FTSJ3: variants seen among roughly 807,000 people sequenced by gnomAD.
FTSJ3 encodes pre-rRNA 2'-O-ribose RNA methyltransferase FTSJ3.
FTSJ3 carries 46 observed loss-of-function variants against 111.5 expected under a neutral mutation model. The observed-to-expected ratio is 0.41, with a 90% CI of 0.33 to 0.53. The LOEUF (loss-of-function observed/expected upper bound fraction) is 0.53. FTSJ3 is among the 20% of genes least tolerant of loss of function. The pLI is 0.19. For missense variants in FTSJ3, 1,075 were observed against 1,063.8 expected, an observed-to-expected ratio of 1.01 and a Z score of -0.15; for synonymous variants, 408 against 383.0, an observed-to-expected ratio of 1.07 and a Z score of -0.76.
chr17:63,821,397 T>TGC lies in FTSJ3; in HGVS notation c.1841_1842dup (p.Ile615AlafsTer38), dbSNP rs1379363030. 6 of 1,613,806 alleles carry TGC rather than the reference T, an allele frequency of 3.7e-6. No homozygotes were observed. The South Asian group carries it at 6.6e-5, about 18-fold the overall frequency. ...CTAGTACTGCTATCACTGTCTGAGA[T>TGC]GCCATCCTTTTCTTCCCCTTCAAGG... On this transcript the variant is annotated frameshift_variant, in exon 16 of 21. Transcript: ENST00000427159. LOFTEE classifies it high-confidence loss of function.
At position 63,826,855 on chromosome 17, in the gene FTSJ3, A is replaced by G. The variant is rs758391164; in HGVS notation, c.48T>C (p.Tyr16=). 3.7e-6 allele frequency: 6 copies of G among 1,614,022 alleles called. No homozygotes were observed. Among genetic ancestry groups the G allele is most frequent in the Non-Finnish European group, 5.1e-6 (6 of 1,180,034 alleles). The change falls in exon 2 of 21, where the codon TAT becomes TAC. Residue 16 remains tyrosine (Y), a synonymous_variant. Transcript: ENST00000427159. The stretch of plus-strand genomic sequence containing the variant: ...ACTCACCCGTCTCCTTCGCCAAGTG[A>G]TAAAACTTGTCTCGTCGGCTCTTGC... ...KVGKSRRDKF[Y]HLAKETGYRS...
Position 63,824,242 on chromosome 17 carries a change from G to A in FTSJ3, c.999-3C>T, listed in dbSNP as rs1254356593. ...CATCTTCCTCTCCAGAGCTGAGGCT[G>A]GCAAAACAGTCCCAAGAGTTGGGTT... On this transcript the variant is annotated splice_region_variant and splice_polypyrimidine_tract_variant and intron_variant, in intron 11 of 20. Transcript: ENST00000427159. 5 of 1,614,146 alleles carry A rather than the reference G, an allele frequency of 3.1e-6. No homozygotes were observed. The Admixed American group carries it at 6.7e-5, about 22-fold the overall frequency.
In FTSJ3 at chr17:63,821,692, C is replaced by T. The variant is rs144204006; in HGVS notation, c.1596+31G>A. The T allele has an allele frequency of 6.1e-5, 98 of 1,614,188 alleles. No homozygotes were observed. The African/African-American group carries it at 1.1e-3, about 18-fold the overall frequency. On this transcript the variant is annotated intron_variant, in intron 15 of 20. Coordinates refer to ENST00000427159, the MANE Select transcript of FTSJ3 (RefSeq NM_017647.4). ...CCCTTCTCCCAAGGAAGACTCATCT[C>T]CCCGCAGTCTTGCCCCCGGCCTCTC...
chr17:63,820,999 T>C (rs1438123257), intron 17 of FTSJ3, 31 bp downstream of exon 17: 1 of 1,608,228 alleles, frequency 6.2e-7, no homozygotes, highest in Admixed American at 1.7e-5. Flanking sequence ...CCAGTGGTCT[T>C]TTCTCATTCC....
At chr17:63,822,224 T>C in intron 13 of FTSJ3, 56 bp from the exon 14 acceptor site, 6 of 1,488,818 alleles carry the variant, frequency 4.0e-6, no homozygotes, top group Non-Finnish European at 5.5e-6. Context: ...ACTGTTTTTT[T>C]TTCTGTGTCC....
Position 63,821,725 on chromosome 17 carries a change from T to G in FTSJ3, c.1594A>C (p.Lys532Gln), listed in dbSNP as rs2040053833. 2.5e-6 allele frequency: 4 copies of G among 1,614,082 alleles called. No individual in the cohort carries two copies. Among genetic ancestry groups the G allele is most frequent in the Non-Finnish European group, 3.4e-6 (4 of 1,180,050 alleles). Residue 532 changes from lysine to glutamine, a missense_variant and splice_region_variant, in exon 15 of 21, where the codon AAG becomes CAG. Coordinates refer to ENST00000427159, the MANE Select transcript of FTSJ3 (RefSeq NM_017647.4). ...QEEQANLWFSKGSFAGIEDDA... is the reference protein window; with the variant it reads ...QEEQANLWFSQGSFAGIEDDA... ...TCTTGCCCCCGGCCTCTCCTTACCT[T>G]TGAGAACCACAGGTTGGCTTGTTCT...
chr17:63,820,691 T>A, intron 18 of FTSJ3, 148 bp downstream of exon 18: 1 of 216,710 alleles, frequency 4.6e-6, no homozygotes, highest in South Asian at 8.5e-5. Context: ...ACTCAAGCGA[T>A]TCAAGGAGAA....
At position 63,827,410 on chromosome 17, in the gene FTSJ3, G is replaced by T. The variant is rs2040120112; in HGVS notation, c.-385C>A. The T allele has an allele frequency of 6.5e-7, 1 of 1,545,466 alleles. No homozygotes were observed. The highest frequency in any genetic ancestry group is 1.4e-5 in the African/African-American group (1 of 73,016). On this transcript the variant is annotated 5_prime_UTR_variant, in exon 1 of 21. Coordinates refer to ENST00000427159, the MANE Select transcript of FTSJ3 (RefSeq NM_017647.4). Reference sequence around the variant, plus strand: ...TTGACCCGGAATTCTTCTCTGCCTGGTCTTCAGGTCCCAATCCTCCGCTTC... The same window carrying T: ...TTGACCCGGAATTCTTCTCTGCCTGTTCTTCAGGTCCCAATCCTCCGCTTC...
chr17:63,826,949 G>A, intron 1 of FTSJ3, 21 bp from the exon 2 acceptor site: 7 of 1,506,132 alleles, frequency 4.6e-6, no homozygotes, highest in Non-Finnish European at 5.5e-6. Context: ...AGTAGAAGTT[G>A]GGAACGTCTC....
At chr17:63,820,732 T>G in intron 18 of FTSJ3, 107 bp downstream of exon 18, 1 of 764,326 alleles carries the variant, frequency 1.3e-6, no homozygotes, top group Non-Finnish European at 2.2e-6. Context: ...ATCGTGCCAT[T>G]GCACTCCAGC....
rs766628176 is a variant in FTSJ3, at chr17:63,825,634, G to T, written c.302C>A (p.Ala101Asp). 4.3e-6 allele frequency: 7 copies of T among 1,613,080 alleles called. No individual in the cohort carries two copies. The highest frequency in any genetic ancestry group is 3.3e-4 in the Middle Eastern group (2 of 6,058). The change falls in exon 6 of 21, where the codon GCC becomes GAC. Residue 101 changes from alanine (A) to aspartate (D), a missense_variant and splice_region_variant. Physicochemically the swap from Ala to Asp is moderately radical, Grantham distance 126 (BLOSUM62 -2). Around this residue, in one of 2 missense-constraint regions of FTSJ3, gnomAD observed 208 missense variants for 266.9 expected, o/e 0.78. Transcript: ENST00000427159. ...CCAGGTCTTCAGCTCCTTCCTCAGG[G>T]CCTAAAGAGAAGAAAAGGAACTATG... is the stretch of plus-strand genomic sequence containing the variant. ...QDITTERCRQ[A>D]LRKELKTWKV...
rs1357453628 is a variant in FTSJ3 at position 63,821,090 on chromosome 17, G to A, written c.1912C>T (p.Arg638Ter). The A allele has an allele frequency of 1.9e-6, 3 of 1,613,966 alleles. No individual in the cohort carries two copies. Among genetic ancestry groups the A allele is most frequent in the Non-Finnish European group, 2.5e-6 (3 of 1,180,012 alleles). The change falls in exon 17 of 21, where the codon CGA (arginine) becomes TGA (stop). Residue 638 changes from arginine (R) to a stop codon, truncating the protein, a stop_gained. Coordinates refer to ENST00000427159, the MANE Select transcript of FTSJ3 (RefSeq NM_017647.4). LOFTEE classifies it high-confidence loss of function. The part of the protein sequence containing the change: ...ESWEPLRGKK[R>*]SRGPKSDDDG... ...TCATCTGACTTAGGCCCACGGCTTC[G>A]CTTCTTACCACGGAGGGGTTCCCAG...
chr17:63,825,848 T>G (rs2040094191), intron 5 of FTSJ3: 1 of 628,708 alleles, frequency 1.6e-6, no homozygotes, highest in South Asian at 2.0e-5. Flanking sequence ...ACTAAAGATC[T>G]CTGCCCTTCT....
Position 63,824,214 on chromosome 17 carries a change from C to T in FTSJ3, c.1024G>A (p.Gly342Ser). Residue 342 changes from glycine (G) to serine (S), a missense_variant, in exon 12 of 21, where the codon GGT (glycine) becomes AGT (serine). By Grantham distance (56) the Gly-to-Ser change is moderately conservative. This residue lies in a region of FTSJ3 where 867 missense variants were observed against 796.9 expected (regional missense o/e 1.09). Transcript: ENST00000427159. Reference protein sequence around the residue: ...ISLSSGEEDEGDEEDSTAGTT... With the variant: ...ISLSSGEEDESDEEDSTAGTT... ...CCAGCTGTTGAGTCCTCCTCATCAC[C>T]TTCATCTTCCTCTCCAGAGCTGAGG... 6.2e-7 allele frequency: 1 copy of T among 1,614,174 alleles called. No homozygotes were observed. The highest frequency in any genetic ancestry group is 8.5e-7 in the Non-Finnish European group (1 of 1,180,038).
chr17:63,822,820 G>C (rs1029647778), intron 13 of FTSJ3, among the ~76,000 whole-genome samples: 1 of 142,606 alleles, frequency 7.0e-6, no homozygotes, highest in Non-Finnish European at 1.6e-5. Flanking sequence ...TATTTCTTGA[G>C]TGTTTATCAC....
Position 63,825,755 on chromosome 17 carries a change from G to A in FTSJ3, c.301-120C>T, listed in dbSNP as rs999153852. On this transcript the variant is annotated intron_variant, in intron 5 of 20. Coordinates refer to ENST00000427159, the MANE Select transcript of FTSJ3 (RefSeq NM_017647.4). ...GGGCCAAATGCAGTACCAGGCACAG[G>A]AGATACAATAGTAAACAAAAACAGT... The A allele has an allele frequency of 5.0e-6, 4 of 800,130 alleles. No homozygotes were observed. In the Admixed American group the frequency reaches 6.9e-5, roughly 14 times the overall value. 49.6% of individuals were successfully genotyped at this position (800,130 alleles called of 1,614,324 possible).
In FTSJ3 at chr17:63,825,088, G is replaced by C; in HGVS notation, c.671C>G (p.Ala224Gly). 1 of 1,614,196 alleles carries C rather than the reference G, an allele frequency of 6.2e-7. No homozygotes were observed. The highest frequency in any genetic ancestry group is 1.1e-5 in the South Asian group (1 of 91,076). The change falls in exon 8 of 21, where the codon GCT becomes GGT. Residue 224 changes from alanine to glycine, a missense_variant. By Grantham distance (60) the Ala-to-Gly change is moderately conservative. Coordinates refer to ENST00000427159, the MANE Select transcript of FTSJ3 (RefSeq NM_017647.4). ...AGTAACCAATTCAGTAACGGTCTTA[G>C]CCTGAACTTCAACCTCCTTAAAGGC... ...KFAFKEVEVQ[A>G]KTVTELVTKK...
At position 63,821,352 on chromosome 17, in the gene FTSJ3, A is replaced by G; in HGVS notation, c.1886+2T>C. The G allele has an allele frequency of 1.3e-6, 2 of 1,598,440 alleles. No homozygotes were observed. The highest frequency in any genetic ancestry group is 2.7e-5 in the African/African-American group (2 of 74,368). On this transcript the variant is annotated splice_donor_variant, in intron 16 of 20. Coordinates refer to ENST00000427159, the MANE Select transcript of FTSJ3 (RefSeq NM_017647.4). LOFTEE classifies it high-confidence loss of function. ...TCCCTTCTCTCAGCTGCAACTACTC[A>G]CCTCTCTTCTTCCTCACTGCTAGTA...
rs376013765 is a variant in FTSJ3, at chr17:63,824,259, A to G, written c.999-20T>C. 5.2e-5 allele frequency: 84 copies of G among 1,614,020 alleles called. No individual in the cohort carries two copies. The highest frequency in any genetic ancestry group is 6.7e-5 in the Non-Finnish European group (79 of 1,180,030). ...CTGAGGCTGGCAAAACAGTCCCAAGAGTTGGGTTATTTTCCCAGACTTTTC... is the reference window on the plus strand; with the variant it reads ...CTGAGGCTGGCAAAACAGTCCCAAGGGTTGGGTTATTTTCCCAGACTTTTC... On this transcript the variant is annotated intron_variant, in intron 11 of 20. Coordinates refer to ENST00000427159, the MANE Select transcript of FTSJ3 (RefSeq NM_017647.4).
Sources: gnomAD v4.1 joint callset for allele counts (sites outside exome capture counted in the v4.1 genomes callset) on GRCh38, gnomAD v4.1.1 for gene constraint, gnomAD v4.1.1 regional missense constraint, MANE v1.5 for transcripts, NCBI Gene and HGNC (gene_info 2026-07-23, HGNC 2026-07-21) for gene names.